Variants in LCLAT1 observed in about 807,000 individuals in gnomAD.
LCLAT1 encodes the protein 1-AGP acyltransferase 8.
LCLAT1 carries 11 observed loss-of-function variants against 30.7 expected under a neutral mutation model. The observed-to-expected ratio is 0.36, with a 90% CI of 0.23 to 0.59. The LOEUF (loss-of-function observed/expected upper bound fraction) is 0.59, where lower values mean the gene tolerates loss of function less well. Ranked by LOEUF, LCLAT1 falls within the 20% of genes least tolerant of loss-of-function variation. LCLAT1 has a pLI of 0.77. For missense variants in LCLAT1, 402 were observed against 458.6 expected (o/e 0.88, Z 1.13); for synonymous variants, 155 against 151.3 (o/e 1.02, Z -0.18).
chr2:30,540,023 A>G (rs1664053231), intron 3 of LCLAT1, among the ~76,000 whole-genome samples: 1 of 152,212 alleles, frequency 6.6e-6, no homozygotes, highest in South Asian at 2.1e-4. Flanking sequence ...ATTTTTATGT[A>G]TTATAACTAA....
At chr2:30,456,635 G>A (rs1681851834) in intron 1 of LCLAT1, among the ~76,000 whole-genome samples, 1 of 152,160 alleles carries the variant, frequency 6.6e-6, no homozygotes, top group African/African-American at 2.4e-5. Flanking sequence ...TTTGGCTTAG[G>A]AGAGCAGGGG....
intron 5 of LCLAT1, among the ~76,000 whole-genome samples, chr2:30,587,766 C>T (rs918175184): frequency 6.8e-6 from 1 of 147,868 alleles, no homozygotes; most frequent in Non-Finnish European, 1.5e-5. Context: ...TTTATGGTAC[C>T]TTTTTTTTTT....
At chr2:30,602,751 C>G (rs199942122) in intron 5 of LCLAT1, among the ~76,000 whole-genome samples, 47 of 116,890 alleles carry the variant, frequency 4.0e-4, no homozygotes, top group African/African-American at 1.2e-3. Flanking sequence ...AAAGTTTAAG[C>G]ATCATGACCA....
intron 5 of LCLAT1, among the ~76,000 whole-genome samples, chr2:30,616,054 T>C (rs1447331157): frequency 6.6e-6 from 1 of 152,200 alleles, no homozygotes; most frequent in Non-Finnish European, 1.5e-5. Flanking sequence ...GCCAGTTTCA[T>C]CTATAAGAAC....
chr2:30,510,503 T>C (rs183825626), intron 1 of LCLAT1, among the ~76,000 whole-genome samples: 1 of 152,368 alleles, frequency 6.6e-6, no homozygotes, highest in East Asian at 1.9e-4. Flanking sequence ...AGAAGGTTTG[T>C]GGAACGTTCT....
chr2:30,540,218 T>G (rs1664063509), intron 3 of LCLAT1, among the ~76,000 whole-genome samples: 1 of 152,178 alleles, frequency 6.6e-6, no homozygotes, highest in Admixed American at 6.5e-5. Context: ...TAGAAATGGG[T>G]GTAACAAAAT....
intron 1 of LCLAT1, among the ~76,000 whole-genome samples, chr2:30,477,813 T>C (rs1164497637): frequency 6.6e-6 from 1 of 152,196 alleles, no homozygotes; most frequent in Non-Finnish European, 1.5e-5. Context: ...AAGAATATTT[T>C]AATGAAAGTA....
intron 3 of LCLAT1, among the ~76,000 whole-genome samples, chr2:30,558,583 G>A (rs1396583288): frequency 3.4e-5 from 4 of 117,716 alleles, no homozygotes; most frequent in Admixed American, 3.3e-4. Context: ...GGGTGACAGA[G>A]CAAGACTTTG....
At chr2:30,465,196 G>A (rs1208850908) in intron 1 of LCLAT1, among the ~76,000 whole-genome samples, 1 of 152,210 alleles carries the variant, frequency 6.6e-6, no homozygotes, top group Admixed American at 6.5e-5. Flanking sequence ...GTCCCTAAAA[G>A]CAATCCTGTG....
At chr2:30,615,414 T>C (rs1349309323) in intron 5 of LCLAT1, among the ~76,000 whole-genome samples, 3 of 152,128 alleles carry the variant, frequency 2.0e-5, no homozygotes, top group Admixed American at 6.6e-5. Context: ...GAATGAAGGA[T>C]AGTGAGGAAG....
chr2:30,564,739 T>G (rs1665397280), intron 4 of LCLAT1, among the ~76,000 whole-genome samples: 1 of 152,252 alleles, frequency 6.6e-6, no homozygotes, highest in Admixed American at 6.5e-5. Context: ...GGTGTTTAGT[T>G]ACTACCATAC....
chr2:30,483,634 T>A (rs1683423621), intron 1 of LCLAT1, among the ~76,000 whole-genome samples: 1 of 152,198 alleles, frequency 6.6e-6, no homozygotes, highest in African/African-American at 2.4e-5. Context: ...AATTTTTTTT[T>A]AATGTCTGCA....
chr2:30,568,795 C>T (rs12476392), intron 5 of LCLAT1, among the ~76,000 whole-genome samples: 18,407 of 146,486 alleles, frequency 0.13, 1,286 homozygotes, highest in South Asian at 0.22. Context: ...GCGTGAGCCA[C>T]GGCGCCCGGC....
At chr2:30,494,762 C>T (rs992599302) in intron 1 of LCLAT1, among the ~76,000 whole-genome samples, 2 of 151,472 alleles carry the variant, frequency 1.3e-5, no homozygotes, top group African/African-American at 2.4e-5. Context: ...ATGCTGTCCC[C>T]TGCTCATGGA....
In LCLAT1 at chr2:30,459,492, C is replaced by G. The variant is rs1339581792; in HGVS notation, c.-5+12109C>G. The G allele has an allele frequency of 2.7e-5, 20 of 739,248 alleles. No individual in the cohort carries two copies. In the East Asian group the frequency reaches 4.6e-4, roughly 17 times the overall value. The allele number at this position is 739,248 out of a possible 1,614,324, so 45.8% of individuals were successfully genotyped here. A position where few individuals can be genotyped will look rare whatever the true frequency, so the allele number is the denominator to read the frequency against. ...TTACTCCATGAACCATCTGATGAGC[C>G]CGGTGCACTGTTCCCAAACTCTGCT... is the stretch of plus-strand genomic sequence containing the variant. On this transcript the variant is annotated intron_variant, in intron 1 of 5. Transcript: ENST00000379509.
At chr2:30,552,700 G>A in intron 3 of LCLAT1, 1 of 224,300 alleles carries the variant, frequency 4.5e-6, no homozygotes, top group Non-Finnish European at 9.4e-6. Context: ...CCAGCATTTA[G>A]CACCCTAATA....
At chr2:30,500,743 G>T (rs2148341792) in intron 1 of LCLAT1, among the ~76,000 whole-genome samples, 1 of 152,218 alleles carries the variant, frequency 6.6e-6, no homozygotes, top group South Asian at 2.1e-4. Flanking sequence ...TCTATTAAAA[G>T]AAAAAATAAT....
intron 3 of LCLAT1, among the ~76,000 whole-genome samples, chr2:30,537,110 G>A (rs897754088): frequency 6.6e-6 from 1 of 152,178 alleles, no homozygotes; most frequent in Non-Finnish European, 1.5e-5. Flanking sequence ...GGCCGGGCGC[G>A]GTGGCTCACG....
intron 5 of LCLAT1, among the ~76,000 whole-genome samples, chr2:30,624,006 G>T (rs553983568): frequency 6.6e-6 from 1 of 152,070 alleles, no homozygotes; most frequent in Non-Finnish European, 1.5e-5. Flanking sequence ...TGTATCCAGC[G>T]AAACTAAGAG....
Sources: gnomAD v4.1 joint callset for allele counts (sites outside exome capture counted in the v4.1 genomes callset) on GRCh38, gnomAD v4.1.1 for gene constraint, MANE v1.5 for transcripts, NCBI Gene and HGNC (gene_info 2026-07-23, HGNC 2026-07-21) for gene names.